The following PPP1R9A variants were observed in gnomAD, a reference collection of about 807,000 sequenced individuals.
The protein encoded by PPP1R9A is neurabin-1.
PPP1R9A carries 59 observed loss-of-function variants against 141.9 expected under a neutral mutation model. The ratio of observed to expected loss-of-function variants is 0.42; its 90% CI spans 0.34 to 0.52. The LOEUF is 0.52. PPP1R9A is among the 20% of genes least tolerant of loss of function. PPP1R9A has a pLI of 0.10. For missense variants in PPP1R9A, 1,444 were observed against 1,611.9 expected (o/e 0.90, Z 1.78); for synonymous variants, 500 against 569.7 (o/e 0.88, Z 1.74).
chr7:95,215,673 A>G lies in PPP1R9A; in HGVS notation c.1957-10288A>G, dbSNP rs895416844. On this transcript the variant is annotated intron_variant, in intron 7 of 19. Coordinates refer to ENST00000433360, the MANE Select transcript of PPP1R9A (RefSeq NM_001166160.2). ...TTTAATGATCGCCATTCTAACTGGCATGAGATGGTATCTCATTGTGGTTTT... is the reference window on the plus strand; with the variant it reads ...TTTAATGATCGCCATTCTAACTGGCGTGAGATGGTATCTCATTGTGGTTTT... Among the ~76,000 whole-genome samples, 695 of 152,242 alleles carry G rather than the reference A, an allele frequency of 4.6e-3. 3 individuals are homozygous for G. The highest frequency in any genetic ancestry group is 0.015 in the African/African-American group (628 of 41,548).
chr7:95,281,152 G>A (rs1490234550), intron 16 of PPP1R9A, among the ~76,000 whole-genome samples: 1 of 152,158 alleles, frequency 6.6e-6, no homozygotes, highest in Admixed American at 6.5e-5. Context: ...ATACTAGCAA[G>A]TACCCAGGGG....
chr7:95,220,009 T>A (rs2152938948), intron 7 of PPP1R9A, among the ~76,000 whole-genome samples: 1 of 152,270 alleles, frequency 6.6e-6, no homozygotes, highest in South Asian at 2.1e-4. Context: ...CTCTTTCATA[T>A]CACTACAATG....
intron 8 of PPP1R9A, among the ~76,000 whole-genome samples, chr7:95,231,311 T>A (rs952765050): frequency 1.3e-5 from 2 of 152,114 alleles, no homozygotes; most frequent in Non-Finnish European, 2.9e-5. Context: ...ACTTTCATAC[T>A]CTACTGTCAG....
At chr7:95,011,847 G>A (rs1804462656) in intron 2 of PPP1R9A, among the ~76,000 whole-genome samples, 1 of 152,104 alleles carries the variant, frequency 6.6e-6, no homozygotes, top group Non-Finnish European at 1.5e-5. Flanking sequence ...AGAGAAATAG[G>A]AATTTAACAT....
chr7:95,143,851 TTG>T (rs1409715170), intron 4 of PPP1R9A, among the ~76,000 whole-genome samples: 1 of 151,772 alleles, frequency 6.6e-6, no homozygotes, highest in African/African-American at 2.4e-5. Flanking sequence ...AATTTTTAAT[TTG>T]TTTTTTTTTC....
chr7:95,288,651 T>C lies in PPP1R9A; in HGVS notation c.3845T>C (p.Val1282Ala), dbSNP rs778320715. 11 of 1,614,012 alleles carry C rather than the reference T, an allele frequency of 6.8e-6. No homozygotes were observed. Among genetic ancestry groups the C allele is most frequent in the Middle Eastern group, 3.3e-4 (2 of 6,082 alleles). Reference protein sequence around the residue: ...WLMSLNLEQYVSEFSAQNITG... With the variant: ...WLMSLNLEQYASEFSAQNITG... ...ATGAGCCTAAATCTGGAGCAGTATG[T>C]ATCTGAATTCAGTGCCCAAAACATC... The change falls in exon 19 of 20, where the codon GTA becomes GCA. Residue 1282 changes from valine to alanine, a missense_variant. By Grantham distance (64) the Val-to-Ala change is moderately conservative. Transcript: ENST00000433360.
At chr7:95,057,543 T>G (rs547375467) in intron 2 of PPP1R9A, among the ~76,000 whole-genome samples, 2 of 152,224 alleles carry the variant, frequency 1.3e-5, no homozygotes, top group South Asian at 2.1e-4. Context: ...CTCCATGAAC[T>G]TGAGGCATTT....
chr7:95,233,532 A>G (rs1042658619), intron 8 of PPP1R9A, among the ~76,000 whole-genome samples: 2 of 152,090 alleles, frequency 1.3e-5, no homozygotes, highest in African/African-American at 4.8e-5. Flanking sequence ...AAGAAAAATA[A>G]TGTAAAAAAT....
chr7:95,188,837 T>A (rs1304651662), intron 5 of PPP1R9A, among the ~76,000 whole-genome samples: 2 of 152,202 alleles, frequency 1.3e-5, no homozygotes, highest in South Asian at 4.1e-4. Context: ...GACATAGTGA[T>A]CCATCTGCCT....
chr7:95,130,787 T>A (rs910713567), intron 4 of PPP1R9A, among the ~76,000 whole-genome samples: 1 of 152,160 alleles, frequency 6.6e-6, no homozygotes, highest in Non-Finnish European at 1.5e-5. Flanking sequence ...ACTTTAAGAT[T>A]TGACTGCCCT....
chr7:95,221,505 C>T (rs1209039255), intron 7 of PPP1R9A, among the ~76,000 whole-genome samples: 4 of 152,090 alleles, frequency 2.6e-5, no homozygotes, highest in Non-Finnish European at 5.9e-5. Flanking sequence ...AGTATGTCTA[C>T]ATACGTCTCC....
chr7:94,911,585 A>C, intron 2 of PPP1R9A, 77 bp downstream of exon 2: 1 of 1,155,936 alleles, frequency 8.7e-7, no homozygotes, highest in Non-Finnish European at 1.2e-6. Context: ...AATAGACTTG[A>C]CAACTAGTAG....
At position 95,263,297 on chromosome 7, in the gene PPP1R9A, AT is replaced by A. The variant is rs545874151; in HGVS notation, c.2666-5252del. Among the ~76,000 whole-genome samples the A allele has an allele frequency of 4.9e-3, 741 of 152,356 alleles. 4 individuals carry two copies. Among genetic ancestry groups the A allele is most frequent in the African/African-American group, 0.017 (696 of 41,578 alleles). ...AAACAATTACATAATACAAAATATAATACCAAATTTTTAAACATTGCAAATA... is the reference window on the plus strand; with the variant it reads ...AAACAATTACATAATACAAAATATAAACCAAATTTTTAAACATTGCAAATA... On this transcript the variant is annotated intron_variant, in intron 12 of 19. Coordinates refer to ENST00000433360, the MANE Select transcript of PPP1R9A (RefSeq NM_001166160.2).
At chr7:94,922,478 TA>T (rs959391821) in intron 2 of PPP1R9A, among the ~76,000 whole-genome samples, 1 of 152,164 alleles carries the variant, frequency 6.6e-6, no homozygotes, top group Non-Finnish European at 1.5e-5. Context: ...ATGTGTTATT[TA>T]AATGAGTTGG....
chr7:95,024,682 G>GAT (rs1806546045), intron 2 of PPP1R9A, among the ~76,000 whole-genome samples: 1 of 152,042 alleles, frequency 6.6e-6, no homozygotes, highest in Non-Finnish European at 1.5e-5. Context: ...TAGCACATGA[G>GAT]ATAGGTCTCC....
chr7:95,231,728 G>A (rs1331066153), intron 8 of PPP1R9A, among the ~76,000 whole-genome samples: 1 of 151,880 alleles, frequency 6.6e-6, no homozygotes, highest in African/African-American at 2.4e-5. Context: ...AAAACCTCTG[G>A]GATACAGCAA....
Position 94,911,342 on chromosome 7 carries a change from A to G in PPP1R9A, c.1229A>G (p.Tyr410Cys). The G allele has an allele frequency of 6.2e-7, 1 of 1,614,158 alleles. No homozygotes were observed. The highest frequency in any genetic ancestry group is 1.1e-5 in the South Asian group (1 of 91,082). Residue 410 changes from tyrosine (Y) to cysteine (C), a missense_variant, in exon 2 of 20, where the codon TAT becomes TGT. By Grantham distance (194) the Tyr-to-Cys change is radical. Transcript: ENST00000433360. ...DYNVYRVRSR[Y>C]NSDWGETGTE... ...AATGTGTATAGGGTGAGATCCAGGT[A>G]TAATTCAGACTGGGGAGAGACAGGC...
At chr7:95,261,374 T>C (rs1393966484) in intron 12 of PPP1R9A, among the ~76,000 whole-genome samples, 1 of 152,196 alleles carries the variant, frequency 6.6e-6, no homozygotes, top group African/African-American at 2.4e-5. Flanking sequence ...TTCCTTTAAG[T>C]AGACATGAAA....
In PPP1R9A at chr7:94,910,285, A is replaced by C; in HGVS notation, c.172A>C (p.Lys58Gln). 1.2e-6 allele frequency: 2 copies of C among 1,614,098 alleles called. No homozygotes were observed. The highest frequency in any genetic ancestry group is 1.7e-6 in the Non-Finnish European group (2 of 1,180,024). ...GGGCTCCCAGCAGAGCAGGGGGAGG[A>C]AATATGGCTCCAATGTCAACAGAAT... ...GEGSQQSRGRKYGSNVNRIKN... is the reference protein window; with the variant it reads ...GEGSQQSRGRQYGSNVNRIKN... The change falls in exon 2 of 20, where the codon AAA becomes CAA. Residue 58 changes from lysine to glutamine, a missense_variant. Coordinates refer to ENST00000433360, the MANE Select transcript of PPP1R9A (RefSeq NM_001166160.2). This position sits in a 1 kb window ranked among gnomAD's most constrained non-coding sequence, Gnocchi z 4.5.
Sources: gnomAD v4.1 joint callset for allele counts (sites outside exome capture counted in the v4.1 genomes callset) on GRCh38, gnomAD v4.1.1 for gene constraint, Gnocchi (gnomAD v3.1) non-coding constraint, MANE v1.5 for transcripts, NCBI Gene and HGNC (gene_info 2026-07-23, HGNC 2026-07-21) for gene names.